MAPK14: variants seen among roughly 807,000 people sequenced by gnomAD.
MAPK14 encodes the protein mitogen-activated protein kinase 14.
MAPK14 carries 16 observed loss-of-function variants against 49.6 expected under a neutral mutation model. The observed-to-expected ratio is 0.32, with a 90% confidence interval of 0.22 to 0.49. The LOEUF is 0.49. MAPK14 is among the 20% of genes least tolerant of loss of function. MAPK14 has a pLI of 0.99. For synonymous variants in MAPK14, 142 were observed against 158.0 expected (o/e 0.90, Z 0.76); for missense variants, 200 against 441.2 (o/e 0.45, Z 4.90).
intron 8 of MAPK14, chr6:36,092,373 T>G (rs1765269033): frequency 1.5e-6 from 1 of 663,266 alleles, no homozygotes; most frequent in African/African-American, 1.8e-5. Context: ...TGCAGGGAAC[T>G]CTATGCAGTA....
At chr6:36,060,426 T>C (rs1369309448) in intron 3 of MAPK14, among the ~76,000 whole-genome samples, 1 of 152,156 alleles carries the variant, frequency 6.6e-6, no homozygotes, top group African/African-American at 2.4e-5. Flanking sequence ...CACTATACCA[T>C]GAAAGAGAAA....
chr6:36,034,266 T>G (rs1762652280), intron 1 of MAPK14, among the ~76,000 whole-genome samples: 1 of 152,336 alleles, frequency 6.6e-6, no homozygotes, highest in East Asian at 1.9e-4. Context: ...TTGCCCAGAT[T>G]AAAATTTTTT....
intron 1 of MAPK14, among the ~76,000 whole-genome samples, chr6:36,037,552 A>G (rs144637091): frequency 1.3e-5 from 2 of 152,296 alleles, no homozygotes; most frequent in African/African-American, 4.8e-5. Flanking sequence ...TGTAGAGAGA[A>G]AGGGGAAGGA....
intron 8 of MAPK14, among the ~76,000 whole-genome samples, chr6:36,089,106 T>C (rs1243239154): frequency 6.6e-6 from 1 of 152,218 alleles, no homozygotes; most frequent in East Asian, 1.9e-4. Flanking sequence ...CATGCATGTG[T>C]ATGTTGATTG....
intron 10 of MAPK14, among the ~76,000 whole-genome samples, chr6:36,105,074 G>C (rs1048745462): frequency 6.6e-6 from 1 of 152,132 alleles, no homozygotes; most frequent in African/African-American, 2.4e-5. Context: ...GGAGCACAGT[G>C]TTACTATCAC....
intron 3 of MAPK14, among the ~76,000 whole-genome samples, chr6:36,063,357 G>A (rs1485797113): frequency 2.6e-5 from 4 of 152,168 alleles, no homozygotes; most frequent in Non-Finnish European, 5.9e-5. Flanking sequence ...GGAGGCCGAG[G>A]TGGGCAGATC....
At chr6:36,105,258 T>A (rs1765766713) in intron 10 of MAPK14, among the ~76,000 whole-genome samples, 1 of 152,120 alleles carries the variant, frequency 6.6e-6, no homozygotes, top group Non-Finnish European at 1.5e-5. Flanking sequence ...TTTTTTTTTT[T>A]AAGAGATGGC....
intron 1 of MAPK14, among the ~76,000 whole-genome samples, chr6:36,039,037 C>T (rs1762854588): frequency 6.6e-6 from 1 of 152,030 alleles, no homozygotes; most frequent in Admixed American, 6.6e-5. Context: ...GAGGTTAGAC[C>T]ATTGTTATCT....
At chr6:36,042,301 G>C (rs72657684) in intron 1 of MAPK14, among the ~76,000 whole-genome samples, 16,428 of 151,966 alleles carry the variant, frequency 0.11, 1,677 homozygotes, top group East Asian at 0.51. Context: ...GAGGAAAATT[G>C]TTTTAAAATT....
chr6:36,120,152 TATTG>T, the MAPK14 span, among the ~76,000 whole-genome samples: 3 of 151,266 alleles, frequency 2.0e-5, no homozygotes, highest in Non-Finnish European at 2.9e-5. Context: ...AATGGGATGA[TATTG>T]ATAATAGTGC....
At chr6:36,063,756 AT>A (rs1763925373) in intron 3 of MAPK14, among the ~76,000 whole-genome samples, 1 of 152,194 alleles carries the variant, frequency 6.6e-6, no homozygotes, top group African/African-American at 2.4e-5. Context: ...GATGGAGATG[AT>A]TTTTGGAAAA....
intron 1 of MAPK14, among the ~76,000 whole-genome samples, chr6:36,036,527 A>G (rs908558340): frequency 2.0e-5 from 3 of 147,820 alleles, no homozygotes; most frequent in African/African-American, 7.6e-5. Context: ...CGAAAGGAAG[A>G]ATAAATCAAT....
At chr6:36,113,419 A>G (rs1175326561), downstream of MAPK14, among the ~76,000 whole-genome samples, 2 of 151,766 alleles carry the variant, frequency 1.3e-5, no homozygotes, top group Non-Finnish European at 2.9e-5. Flanking sequence ...TTCTTTGTAC[A>G]GCAAAATACT....
intron 3 of MAPK14, among the ~76,000 whole-genome samples, chr6:36,063,377 C>T (rs1763905916): frequency 6.6e-6 from 1 of 152,126 alleles, no homozygotes; most frequent in Admixed American, 6.5e-5. Context: ...CACTTGAGCC[C>T]AAGAGCTGGA....
intron 1 of MAPK14, among the ~76,000 whole-genome samples, chr6:36,039,547 T>C (rs1249081252): frequency 6.6e-6 from 1 of 152,288 alleles, no homozygotes; most frequent in East Asian, 1.9e-4. Flanking sequence ...TTCAAACTTA[T>C]GGCTTAAAAT....
chr6:36,080,893 C>T (rs1764732224), intron 8 of MAPK14, among the ~76,000 whole-genome samples: 1 of 151,396 alleles, frequency 6.6e-6, no homozygotes, highest in Non-Finnish European at 1.5e-5. Flanking sequence ...AAAGTGGTAT[C>T]TCACTGTGGT....
At chr6:36,086,980 G>C (rs946045087) in intron 8 of MAPK14, among the ~76,000 whole-genome samples, 1 of 152,204 alleles carries the variant, frequency 6.6e-6, no homozygotes. Flanking sequence ...GGGATGCAAG[G>C]CTGTTTTAAC....
At chr6:36,034,893 C>A (rs1390102424) in intron 1 of MAPK14, among the ~76,000 whole-genome samples, 1 of 136,606 alleles carries the variant, frequency 7.3e-6, no homozygotes, top group East Asian at 2.2e-4. Flanking sequence ...ATATTTCTTT[C>A]TTTCTTTTTT....
the MAPK14 span, among the ~76,000 whole-genome samples, chr6:36,119,924 A>G: frequency 6.6e-6 from 1 of 152,234 alleles, no homozygotes; most frequent in African/African-American, 2.4e-5. Flanking sequence ...ATGCATACGT[A>G]TATAGTAAAA....
Sources: allele counts gnomAD v4.1 joint callset (sites outside exome capture counted in the v4.1 genomes callset), GRCh38; gene constraint gnomAD v4.1.1; transcripts MANE v1.5; gene names NCBI Gene and HGNC (gene_info 2026-07-23, HGNC 2026-07-21).